Variants in PCDHA8 observed in about 807,000 individuals in gnomAD.
PCDHA8 encodes the protein protocadherin alpha 8, also known as protocadherin alpha-8.
In PCDHA8, 53 loss-of-function variants were observed where a neutral mutation model predicts 61.8. That is an observed-to-expected ratio of 0.86 (90% CI 0.69 to 1.08). The LOEUF (loss-of-function observed/expected upper bound fraction) is 1.08, where lower values mean the gene tolerates loss of function less well. Ranked by LOEUF, PCDHA8 falls within the 50% of genes least tolerant of loss-of-function variation. The pLI, the probability that PCDHA8 is intolerant of heterozygous loss-of-function variation, is 0.00. For missense variants in PCDHA8, 1,293 were observed against 1,245.0 expected (o/e 1.04, Z -0.58); for synonymous variants, 618 against 556.6 (o/e 1.11, Z -1.55).
intron 1 of PCDHA8, chr5:140,876,833 C>T: frequency 3.1e-6 from 5 of 1,614,176 alleles, no homozygotes; most frequent in Non-Finnish European, 4.2e-6. Context: ...AATGCGCCTG[C>T]GTTCGCGCAG....
At chr5:140,866,752 C>G (rs928654608) in intron 1 of PCDHA8, 1 of 152,140 alleles carries the variant, frequency 6.6e-6, no homozygotes, top group Non-Finnish European at 1.5e-5. Context: ...ATATGACTAA[C>G]AGGACATACA....
intron 1 of PCDHA8, chr5:140,856,717 A>T: frequency 6.3e-7 from 1 of 1,596,480 alleles, no homozygotes; most frequent in Non-Finnish European, 8.6e-7. Flanking sequence ...AATTTACCGG[A>T]TCTGTTTCTC....
In PCDHA8 at chr5:141,010,434, A is replaced by G; in HGVS notation, c.*497A>G. 9.7e-7 allele frequency: 1 copy of G among 1,031,156 alleles called. No homozygotes were observed. Among genetic ancestry groups the G allele is most frequent in the Non-Finnish European group, 1.4e-6 (1 of 732,962 alleles). 63.9% of individuals were successfully genotyped at this position (1,031,156 alleles called of 1,614,324 possible). A position where few individuals can be genotyped will look rare whatever the true frequency, so the allele number is the denominator to read the frequency against. ...TTGGTACAAGGAAGGCAAGAAAACA[A>G]AGACAAATAAACAGCGGAAGTTATC... On this transcript the variant is annotated 3_prime_UTR_variant, in exon 4 of 4. Transcript: ENST00000531613.
chr5:140,976,888 A>G (rs1050816491), intron 1 of PCDHA8, among the ~76,000 whole-genome samples: 1 of 152,218 alleles, frequency 6.6e-6, no homozygotes, highest in African/African-American at 2.4e-5. Context: ...ATTAGGATAC[A>G]TGCAACAGTA....
chr5:140,852,738 C>A, intron 1 of PCDHA8: 1 of 983,624 alleles, frequency 1.0e-6, no homozygotes, highest in Non-Finnish European at 1.2e-6. Flanking sequence ...TTTCATGTGC[C>A]ATTTAAACTT....
At chr5:140,860,216 T>C (rs1554153148) in intron 1 of PCDHA8, 2 of 150,242 alleles carry the variant, frequency 1.3e-5, no homozygotes, top group South Asian at 2.1e-4. Flanking sequence ...TATGTACTTA[T>C]GTATATATAA....
chr5:140,968,080 G>A (rs782815703), intron 1 of PCDHA8: 14 of 1,614,102 alleles, frequency 8.7e-6, no homozygotes, highest in Middle Eastern at 1.7e-4. Context: ...ACAACATCAC[G>A]GTGACAGCCA....
chr5:140,983,228 A>G (rs1012242202), intron 3 of PCDHA8, among the ~76,000 whole-genome samples: 1 of 152,240 alleles, frequency 6.6e-6, no homozygotes, highest in South Asian at 2.1e-4. Flanking sequence ...CCAAACTTTC[A>G]GGAAAGAGAA....
Position 140,885,793 on chromosome 5 carries a change from A to G in PCDHA8, c.2394+42078A>G, listed in dbSNP as rs541928241. On this transcript the variant is annotated intron_variant, in intron 1 of 3. Coordinates refer to ENST00000531613, the MANE Select transcript of PCDHA8 (RefSeq NM_018911.3). ...TATTAGTGAATTTGAGCATATTGTCATATGTATTTTGTTGATTTGTATTTG... is the reference window on the plus strand; with the variant it reads ...TATTAGTGAATTTGAGCATATTGTCGTATGTATTTTGTTGATTTGTATTTG... Among the ~76,000 whole-genome samples the G allele has an allele frequency of 2.0e-5, 3 of 152,162 alleles. No homozygotes were observed. The South Asian group carries it at 6.2e-4, about 32-fold the overall frequency.
At chr5:140,848,357 TG>T in intron 1 of PCDHA8, 1 of 1,035,374 alleles carries the variant, frequency 9.7e-7, no homozygotes, top group Non-Finnish European at 1.4e-6. Flanking sequence ...CCTTTTCCCA[TG>T]GGAAAGAGGC....
chr5:140,857,802 T>C, intron 1 of PCDHA8: 1 of 1,596,456 alleles, frequency 6.3e-7, no homozygotes, highest in Non-Finnish European at 8.6e-7. Flanking sequence ...CGGTCGGTGG[T>C]TGCGGGTCAC....
chr5:140,967,088 GAGGCGCTGTGTGAGC>G, intron 1 of PCDHA8: 1 of 1,613,226 alleles, frequency 6.2e-7, no homozygotes, highest in Non-Finnish European at 8.5e-7. Context: ...CATTGATCGG[GAGGCGCTGTGTGAGC>G]AGCGGCCTCG....
chr5:140,927,643 G>A lies in PCDHA8; in HGVS notation c.2395-51306G>A. On this transcript the variant is annotated intron_variant, in intron 1 of 3. Coordinates refer to ENST00000531613, the MANE Select transcript of PCDHA8 (RefSeq NM_018911.3). The stretch of plus-strand genomic sequence containing the variant: ...TCCAGAGACTGCACCCAATGGGACT[G>A]TGTTATTCCGAGTTCAAGCCTTGGA... The A allele has an allele frequency of 3.7e-6, 6 of 1,614,170 alleles. No homozygotes were observed. Among genetic ancestry groups the A allele is most frequent in the South Asian group, 1.1e-5 (1 of 91,088 alleles).
rs375716587 is a variant in PCDHA8 at position 140,871,025 on chromosome 5, C to T, written c.2394+27310C>T. ...ACGCGTGCCCTGGACGAGGCAGACT[C>T]GCCGCGCCACCGACTTCTAGTACTG... On this transcript the variant is annotated intron_variant, in intron 1 of 3. Transcript: ENST00000531613. 13 of 1,613,228 alleles carry T rather than the reference C, an allele frequency of 8.1e-6. No homozygotes were observed. Among genetic ancestry groups the T allele is most frequent in the Admixed American group, 1.7e-5 (1 of 60,010 alleles).
At position 140,959,344 on chromosome 5, in the gene PCDHA8, C is replaced by T. The variant is rs541663379; in HGVS notation, c.2395-19605C>T. Among the ~76,000 whole-genome samples the T allele has an allele frequency of 2.0e-4, 30 of 152,112 alleles. No individual in the cohort carries two copies. The South Asian group carries it at 6.0e-3, about 31-fold the overall frequency. On this transcript the variant is annotated intron_variant, in intron 1 of 3. Coordinates refer to ENST00000531613, the MANE Select transcript of PCDHA8 (RefSeq NM_018911.3). Reference sequence around the variant, plus strand: ...AAGTTTTGATTATGCTACTGCACTCCAGCGGGACAACTGAGTGAGACCCTG... The same window carrying T: ...AAGTTTTGATTATGCTACTGCACTCTAGCGGGACAACTGAGTGAGACCCTG...
intron 1 of PCDHA8, among the ~76,000 whole-genome samples, chr5:140,889,948 A>G (rs956594809): frequency 6.6e-6 from 1 of 152,194 alleles, no homozygotes; most frequent in Admixed American, 6.6e-5. Flanking sequence ...TGAGAAGCCA[A>G]ATGGATAGAA....
intron 3 of PCDHA8, among the ~76,000 whole-genome samples, chr5:140,996,441 C>G (rs2097726719): frequency 6.6e-6 from 1 of 152,146 alleles, no homozygotes; most frequent in Non-Finnish European, 1.5e-5. Context: ...TAGTCAGTGT[C>G]AAGTTGTGGT....
chr5:140,884,233 T>A (rs782019323), intron 1 of PCDHA8: 1 of 1,613,364 alleles, frequency 6.2e-7, no homozygotes. Flanking sequence ...AGGACCACGG[T>A]GAGCCCGCGC....
intron 1 of PCDHA8, among the ~76,000 whole-genome samples, chr5:140,965,212 T>G (rs1360102713): frequency 6.6e-6 from 1 of 152,180 alleles, no homozygotes; most frequent in African/African-American, 2.4e-5. Context: ...CAAATTCCTG[T>G]GGAAGAAATG....
Sources: allele counts gnomAD v4.1 joint callset (sites outside exome capture counted in the v4.1 genomes callset), GRCh38; gene constraint gnomAD v4.1.1; transcripts MANE v1.5; gene names NCBI Gene and HGNC (gene_info 2026-07-23, HGNC 2026-07-21).